The following KIF21B variants were observed in gnomAD, a reference collection of about 807,000 sequenced individuals.
The protein encoded by KIF21B is kinesin family member 21B.
KIF21B carries 85 observed loss-of-function variants against 192.9 expected under a neutral mutation model. That is an observed-to-expected ratio of 0.44 (90% CI 0.37 to 0.53). The LOEUF (loss-of-function observed/expected upper bound fraction) is 0.53. Among genes scored for constraint, KIF21B ranks in the 20% least tolerant of loss-of-function variants. The pLI is 0.00. For missense variants in KIF21B, 1,716 were observed against 2,194.8 expected (o/e 0.78, Z 4.36); for synonymous variants, 832 against 884.6 (o/e 0.94, Z 1.05).
At position 201,023,169 on chromosome 1, in the gene KIF21B, C is replaced by T. The variant is rs545004485; in HGVS notation, c.41+174G>A. ...CTTCCAGTAGTCGGCGGGGTCGCCGCTCCCCTGCGGCAGACTGGCCAGCGC... is the reference window on the plus strand; with the variant it reads ...CTTCCAGTAGTCGGCGGGGTCGCCGTTCCCCTGCGGCAGACTGGCCAGCGC... On this transcript the variant is annotated intron_variant, in intron 1 of 34. Transcript: ENST00000461742. The surrounding 1 kb of genome is among the most constrained non-coding windows in gnomAD (Gnocchi z 5.9). Among the ~76,000 whole-genome samples the T allele has an allele frequency of 7.2e-5, 11 of 152,378 alleles. No individual in the cohort carries two copies. The highest frequency in any genetic ancestry group is 2.6e-4 in the African/African-American group (11 of 41,588).
At position 200,977,385 on chromosome 1, in the gene KIF21B, C is replaced by A; in HGVS notation, c.4161-9G>T. 1 of 1,612,730 alleles carries A rather than the reference C, an allele frequency of 6.2e-7. No individual in the cohort carries two copies. Among genetic ancestry groups the A allele is most frequent in the South Asian group, 1.1e-5 (1 of 91,018 alleles). ...TCACCTGGCCCGAGGACCTGCCCATCGGAGAAAGGCAAGGCCAGAGGTCAA... is the reference window on the plus strand; with the variant it reads ...TCACCTGGCCCGAGGACCTGCCCATAGGAGAAAGGCAAGGCCAGAGGTCAA... On this transcript the variant is annotated splice_polypyrimidine_tract_variant and intron_variant, in intron 30 of 34. Transcript: ENST00000461742.
intron 8 of KIF21B, chr1:201,003,245 G>A (rs1040265534): frequency 2.6e-6 from 1 of 382,390 alleles, no homozygotes; most frequent in Non-Finnish European, 5.0e-6. Flanking sequence ...AGTCTTACCT[G>A]TTCCAACACA....
rs756381523 is a variant in KIF21B at position 201,000,006 on chromosome 1, C to T, written c.1686-42G>A. 3 of 1,582,362 alleles carry T rather than the reference C, an allele frequency of 1.9e-6. No individual in the cohort carries two copies. The highest frequency in any genetic ancestry group is 4.5e-5 in the East Asian group (2 of 44,732). On this transcript the variant is annotated intron_variant, in intron 11 of 34. Transcript: ENST00000461742. This position sits in a 1 kb window ranked among gnomAD's most constrained non-coding sequence, Gnocchi z 6.0. ...GGGAAGCTGGATTAGGAAGGCTGCC[C>T]CTGCCCTGAGCACATGGGCAGGACG... is the stretch of plus-strand genomic sequence containing the variant.
intron 33 of KIF21B, 21 bp from the exon 34 acceptor site, chr1:200,974,934 G>T: frequency 6.2e-7 from 1 of 1,610,640 alleles, no homozygotes; most frequent in Non-Finnish European, 8.5e-7. Flanking sequence ...ATCAGGGCTG[G>T]TGAGGGCTGG....
chr1:200,988,348 G>C lies in KIF21B; in HGVS notation c.3356C>G (p.Ser1119Cys). 1 of 1,614,128 alleles carries C rather than the reference G, an allele frequency of 6.2e-7. No homozygotes were observed. Among genetic ancestry groups the C allele is most frequent in the Non-Finnish European group, 8.5e-7 (1 of 1,180,016 alleles). Residue 1119 changes from serine (S) to cysteine (C), a missense_variant, in exon 24 of 35, where the codon TCC (serine) becomes TGC (cysteine). This residue lies in a region of KIF21B where 580 missense variants were observed against 775.5 expected (regional missense o/e 0.75). Transcript: ENST00000461742. The stretch of plus-strand genomic sequence containing the variant: ...GGAGCCTTTCATGGTGAATGACTGG[G>C]AGAAGCTGAGGAAGAAGCAGAGAGA... ...EISEFSEGSF[S>C]QSFTMKGSTS...
At position 200,992,370 on chromosome 1, in the gene KIF21B, A is replaced by G. The variant is rs764551376; in HGVS notation, c.2297T>C (p.Met766Thr). Residue 766 changes from methionine (M) to threonine (T), a missense_variant, in exon 16 of 35, where the codon ATG (methionine) becomes ACG (threonine). This residue lies in a region of KIF21B where 1,087 missense variants were observed against 1,316.6 expected (regional missense o/e 0.83). Transcript: ENST00000461742. ...KKAKVALMKQ[M>T]REEQQRRRLV... ...CCGCCGCCGCTGTTGCTCCTCACGC[A>G]TCTGCTTCATCAGGGCCACCTGGGA... 2 of 1,613,054 alleles carry G rather than the reference A, an allele frequency of 1.2e-6. No homozygotes were observed. Among genetic ancestry groups the G allele is most frequent in the South Asian group, 1.1e-5 (1 of 91,082 alleles).
intron 15 of KIF21B, among the ~76,000 whole-genome samples, chr1:200,994,541 C>T (rs1338893645): frequency 3.3e-5 from 5 of 152,204 alleles, no homozygotes; most frequent in African/African-American, 4.8e-5. Context: ...TGAAGGAGCT[C>T]AGCAATCCAG....
In KIF21B at chr1:201,019,021, G is replaced by T. The variant is rs369927767; in HGVS notation, c.41+4322C>A. Among the ~76,000 whole-genome samples, 10 of 152,234 alleles carry T rather than the reference G, an allele frequency of 6.6e-5. No individual in the cohort carries two copies. In the East Asian group the frequency reaches 1.9e-3, roughly 29 times the overall value. ...GCGATCTCAGCTCACTGCAACCTCCGCCTCCCAGGTTCAAGTGATTCTCCT... is the reference window on the plus strand; with the variant it reads ...GCGATCTCAGCTCACTGCAACCTCCTCCTCCCAGGTTCAAGTGATTCTCCT... On this transcript the variant is annotated intron_variant, in intron 1 of 34. Transcript: ENST00000461742.
rs1341468157 is a variant in KIF21B, at chr1:200,990,297, C to T, written c.2871G>A (p.Leu957=). The T allele has an allele frequency of 6.8e-6, 11 of 1,613,096 alleles. No individual in the cohort carries two copies. The Admixed American group carries it at 1.8e-4, about 27-fold the overall frequency. Residue 957 remains leucine, a synonymous_variant, in exon 20 of 35, where the codon CTG becomes CTA. Coordinates refer to ENST00000461742, the MANE Select transcript of KIF21B (RefSeq NM_001252102.2). The surrounding 1 kb of genome is among the most constrained non-coding windows in gnomAD (Gnocchi z 5.4). ...REELFLLQEA[L]RRKRERLQAE... ...CCTGCAGCCGCTCCCGCTTCCTCCG[C>T]AGTGCCTCCTGCAGGAGGAACAGCT... is the stretch of plus-strand genomic sequence containing the variant.
Position 200,975,741 on chromosome 1 carries a change from C to G in KIF21B, c.4444-72G>C, listed in dbSNP as rs1467341354. 5 of 1,450,170 alleles carry G rather than the reference C, an allele frequency of 3.4e-6. No individual in the cohort carries two copies. In the East Asian group the frequency reaches 1.2e-4, roughly 35 times the overall value. 89.8% of individuals were successfully genotyped at this position (1,450,170 alleles called of 1,614,324 possible). On this transcript the variant is annotated intron_variant, in intron 32 of 34. Transcript: ENST00000461742. This position sits in a 1 kb window ranked among gnomAD's most constrained non-coding sequence, Gnocchi z 4.3. ...AGGCAGGGCCTACAGCACTGTGGAC[C>G]CAGAGGCCTGAAGACCCAGGAGTCT...
rs1319872125 is a variant in KIF21B at position 200,991,017 on chromosome 1, C to A, written c.2587G>T (p.Ala863Ser). ...STTSSEAESG[A>S]RSVSSIVRQW... ...CGCACGATGCTGGAGACAGAGCGGG[C>A]CCCTGATTCAGCCTCAGATGAGGTA... The change falls in exon 18 of 35, where the codon GCC becomes TCC. Residue 863 changes from alanine (A) to serine (S), a missense_variant. Physicochemically the swap from Ala to Ser is moderately conservative, Grantham distance 99 (BLOSUM62 1). Coordinates refer to ENST00000461742, the MANE Select transcript of KIF21B (RefSeq NM_001252102.2). The A allele has an allele frequency of 1.9e-6, 3 of 1,614,168 alleles. No individual in the cohort carries two copies. Among genetic ancestry groups the A allele is most frequent in the Admixed American group, 1.7e-5 (1 of 60,022 alleles).
rs1657247847 is a variant in KIF21B at position 200,998,773 on chromosome 1, A to G, written c.1886-198T>C. On this transcript the variant is annotated intron_variant, in intron 13 of 34. Transcript: ENST00000461742. The surrounding 1 kb of genome is among the most constrained non-coding windows in gnomAD (Gnocchi z 4.3). ...GAACACATTTAAAGAGCAGTTCCAG[A>G]AAGGCAAGGTAGGGCTCAGGAGCTG... Among the ~76,000 whole-genome samples the G allele has an allele frequency of 6.6e-6, 1 of 152,122 alleles. No individual in the cohort carries two copies. The highest frequency in any genetic ancestry group is 2.1e-4 in the South Asian group (1 of 4,828).
chr1:201,009,604 A>G, intron 1 of KIF21B, 116 bp from the exon 2 acceptor site: 1 of 982,742 alleles, frequency 1.0e-6, no homozygotes, highest in Non-Finnish European at 1.5e-6. Context: ...AGGAAAAGGA[A>G]GGAAGCTTAG....
Position 200,975,543 on chromosome 1 carries a change from T to C in KIF21B, c.4570A>G (p.Asn1524Asp), listed in dbSNP as rs745908641. ...TCTAGGTCCCACTTCTTGATGCCGTTATCTCGGGAGCCACTGAACAGGATG... is the reference window on the plus strand; with the variant it reads ...TCTAGGTCCCACTTCTTGATGCCGTCATCTCGGGAGCCACTGAACAGGATG... ...GDILFSGSRD[N>D]GIKKWDLDQQ... Residue 1524 changes from asparagine (N) to aspartate (D), a missense_variant, in exon 33 of 35, where the codon AAC becomes GAC. Transcript: ENST00000461742. The surrounding 1 kb of genome is among the most constrained non-coding windows in gnomAD (Gnocchi z 4.3). 1 of 1,613,746 alleles carries C rather than the reference T, an allele frequency of 6.2e-7. No homozygotes were observed. Among genetic ancestry groups the C allele is most frequent in the Admixed American group, 1.7e-5 (1 of 60,016 alleles).
At chr1:200,993,012 AATC>A (rs1415608816) in intron 15 of KIF21B, among the ~76,000 whole-genome samples, 1 of 152,138 alleles carries the variant, frequency 6.6e-6, no homozygotes, top group African/African-American at 2.4e-5. Context: ...TCCGAAAACA[AATC>A]ATCGCCTCCC....
Position 200,999,842 on chromosome 1 carries a change from A to G in KIF21B, c.1767+41T>C, listed in dbSNP as rs538139208. Reference sequence around the variant, plus strand: ...CCCCGCCAACCCCAGCAGGGACACAAGGCATGCATGTGGTGAGGTGGGGCG... The same window carrying G: ...CCCCGCCAACCCCAGCAGGGACACAGGGCATGCATGTGGTGAGGTGGGGCG... On this transcript the variant is annotated intron_variant, in intron 12 of 34. Coordinates refer to ENST00000461742, the MANE Select transcript of KIF21B (RefSeq NM_001252102.2). The surrounding 1 kb of genome is among the most constrained non-coding windows in gnomAD (Gnocchi z 4.7). 1 of 1,602,160 alleles carries G rather than the reference A, an allele frequency of 6.2e-7. No individual in the cohort carries two copies. Among genetic ancestry groups the G allele is most frequent in the South Asian group, 1.1e-5 (1 of 90,898 alleles).
chr1:200,979,511 G>A lies in KIF21B; in HGVS notation c.4160+24C>T, dbSNP rs774755472. On this transcript the variant is annotated intron_variant, in intron 30 of 34. Transcript: ENST00000461742. Reference sequence around the variant, plus strand: ...ACACAGCCTGCTGCAGCCGACCACTGTGAGGCAGGCGGGGGTTACTCACGT... The same window carrying A: ...ACACAGCCTGCTGCAGCCGACCACTATGAGGCAGGCGGGGGTTACTCACGT... The A allele has an allele frequency of 4.6e-6, 7 of 1,507,072 alleles. No individual in the cohort carries two copies. In the East Asian group the frequency reaches 1.8e-4, roughly 38 times the overall value. 93.4% of individuals were successfully genotyped at this position (1,507,072 alleles called of 1,614,324 possible). A position where few individuals can be genotyped will look rare whatever the true frequency, so the allele number is the denominator to read the frequency against.
chr1:201,002,663 A>G, intron 8 of KIF21B: 1 of 300,456 alleles, frequency 3.3e-6, no homozygotes, highest in Non-Finnish European at 6.3e-6. Flanking sequence ...AAGGGTCAAA[A>G]CCCTCTCTGC....
chr1:200,991,196 G>T (rs1656673179), intron 17 of KIF21B, 47 bp from the exon 18 acceptor site: 2 of 1,514,762 alleles, frequency 1.3e-6, no homozygotes, highest in Non-Finnish European at 1.8e-6. Context: ...AGGGTGGCCT[G>T]GAGCCACACA....
Sources: gnomAD v4.1 joint callset for allele counts (sites outside exome capture counted in the v4.1 genomes callset) on GRCh38, gnomAD v4.1.1 for gene constraint, gnomAD v4.1.1 regional missense constraint, Gnocchi (gnomAD v3.1) non-coding constraint, MANE v1.5 for transcripts, NCBI Gene and HGNC (gene_info 2026-07-23, HGNC 2026-07-21) for gene names.